BCL2L12: variants seen among roughly 807,000 people sequenced by gnomAD.
BCL2L12 encodes BCL2 like 12, also known as bcl-2-like protein 12.
A neutral mutation model predicts 25.7 loss-of-function variants in BCL2L12; 27 were observed. That is an observed-to-expected ratio of 1.05 (90% confidence interval 0.78 to 1.45). The LOEUF (loss-of-function observed/expected upper bound fraction) is 1.45, where lower values mean the gene tolerates loss of function less well. Among genes scored for constraint, BCL2L12 ranks in the 40% most tolerant of loss-of-function variants. BCL2L12 has a pLI of 0.00. For missense variants in BCL2L12, 302 were observed against 329.8 expected, an observed-to-expected ratio of 0.92 and a Z score of 0.65; for synonymous variants, 132 against 145.6, an observed-to-expected ratio of 0.91 and a Z score of 0.67.
intron 1 of BCL2L12, 80 bp downstream of exon 1, chr19:49,666,147 G>C (rs774338739): frequency 3.3e-5 from 49 of 1,468,072 alleles, no homozygotes; most frequent in Admixed American, 2.5e-4. Context: ...CCCCAGTCCC[G>C]CTTCTCTGAT....
intron 3 of BCL2L12, 84 bp from the exon 4 acceptor site, chr19:49,668,767 C>T: frequency 7.7e-7 from 1 of 1,301,684 alleles, no homozygotes; most frequent in Middle Eastern, 2.7e-4. Context: ...GAATCATTGC[C>T]ACCTGCCAAG....
upstream of BCL2L12, chr19:49,665,743 G>A: frequency 6.6e-7 from 1 of 1,514,808 alleles, no homozygotes. Context: ...CTGAGCTCTA[G>A]AGCGCTGGGG....
intron 1 of BCL2L12, 44 bp downstream of exon 1, chr19:49,666,111 A>AGG (rs1353018367): frequency 3.5e-5 from 53 of 1,514,472 alleles, no homozygotes; most frequent in Non-Finnish European, 4.7e-5. Flanking sequence ...AGGGAAGAGG[A>AGG]GGGGGCCGGG....
chr19:49,671,656 A>C (rs1056788293), intron 6 of BCL2L12, among the ~76,000 whole-genome samples: 1 of 151,962 alleles, frequency 6.6e-6, no homozygotes, highest in African/African-American at 2.4e-5. Context: ...AAATAGTGAG[A>C]GTAGTAGTGC....
chr19:49,668,760 T>A, intron 3 of BCL2L12, 91 bp from the exon 4 acceptor site: 1 of 1,220,802 alleles, frequency 8.2e-7, no homozygotes, highest in Non-Finnish European at 1.2e-6. Flanking sequence ...AAAATGGGAA[T>A]CATTGCCACC....
chr19:49,673,832 A>G lies in BCL2L12; in HGVS notation c.*84A>G. Reference sequence around the variant, plus strand: ...TTTTCCAAGTCTTCCTATTCCACTCAGGGCTGTGGGGTGGTGGTTGCCCTA... The same window carrying G: ...TTTTCCAAGTCTTCCTATTCCACTCGGGGCTGTGGGGTGGTGGTTGCCCTA... On this transcript the variant is annotated 3_prime_UTR_variant, in exon 7 of 7. Coordinates refer to ENST00000246784, the MANE Select transcript of BCL2L12 (RefSeq NM_138639.2). The G allele has an allele frequency of 7.2e-6, 11 of 1,525,170 alleles. No homozygotes were observed. The highest frequency in any genetic ancestry group is 1.0e-5 in the Non-Finnish European group (11 of 1,104,568). 94.5% of individuals were successfully genotyped at this position (1,525,170 alleles called of 1,614,324 possible).
At chr19:49,665,463 TC>T (rs2081652519), upstream of BCL2L12, 1 of 208,786 alleles carries the variant, frequency 4.8e-6, no homozygotes, top group Non-Finnish European at 9.9e-6. Context: ...CCCTACTTTT[TC>T]TAGTTTTTCT....
intron 5 of BCL2L12, among the ~76,000 whole-genome samples, chr19:49,669,630 G>A (rs1485408060): frequency 6.6e-6 from 1 of 152,036 alleles, no homozygotes; most frequent in Non-Finnish European, 1.5e-5. Context: ...TTGTTTAGAG[G>A]GGCATGGCCT....
chr19:49,669,588 G>T (rs923113203), intron 5 of BCL2L12, among the ~76,000 whole-genome samples: 1 of 151,596 alleles, frequency 6.6e-6, no homozygotes, highest in Non-Finnish European at 1.5e-5. Flanking sequence ...GGTTAGGGTA[G>T]TACTGTACCG....
At chr19:49,670,193 A>T in intron 5 of BCL2L12, 23 bp from the exon 6 acceptor site, 2 of 1,595,598 alleles carry the variant, frequency 1.3e-6, no homozygotes, top group Non-Finnish European at 8.5e-7. Flanking sequence ...GCTGACGCGG[A>T]CCCTGCCTCT....
rs1043052890 is a variant in BCL2L12, at chr19:49,672,569, A to T, written c.703-1129A>T. Among the ~76,000 whole-genome samples the T allele has an allele frequency of 6.6e-6, 1 of 152,176 alleles. No homozygotes were observed. The highest frequency in any genetic ancestry group is 2.4e-5 in the African/African-American group (1 of 41,444). ...CGAGGGCAGAAGTAGGGGCACAGGG[A>T]GGAGGTGAGTGGATCTCACCCAAGT... On this transcript the variant is annotated intron_variant, in intron 6 of 6. Coordinates refer to ENST00000246784, the MANE Select transcript of BCL2L12 (RefSeq NM_138639.2). This position sits in a 1 kb window ranked among gnomAD's most constrained non-coding sequence, Gnocchi z 4.1.
Position 49,670,242 on chromosome 19 carries a change from C to T in BCL2L12, c.456C>T (p.Ser152=). The part of the protein sequence containing the change: ...QKLASDPALR[S]KLVRLSSDSF... ...TGGCCTCGGACCCCGCCCTGCGCAG[C>T]AAGCTGGTCCGCCTGTCCTCCGACT... The change falls in exon 6 of 7, where the codon AGC becomes AGT. Residue 152 remains serine (S), a synonymous_variant. Transcript: ENST00000246784. The T allele has an allele frequency of 2.5e-6, 4 of 1,608,716 alleles. No individual in the cohort carries two copies. The highest frequency in any genetic ancestry group is 3.4e-6 in the Non-Finnish European group (4 of 1,179,576).
intron 5 of BCL2L12, among the ~76,000 whole-genome samples, chr19:49,669,323 G>T (rs762169101): frequency 1.3e-5 from 2 of 152,080 alleles, no homozygotes; most frequent in Non-Finnish European, 2.9e-5. Flanking sequence ...ATGACTTGAG[G>T]TCAGGAGTTC....
chr19:49,669,597 C>T (rs929099690), intron 5 of BCL2L12, among the ~76,000 whole-genome samples: 1 of 151,070 alleles, frequency 6.6e-6, no homozygotes, highest in Non-Finnish European at 1.5e-5. Flanking sequence ...AGTACTGTAC[C>T]GTAAATTAGT....
At chr19:49,673,467 C>A (rs538784597) in intron 6 of BCL2L12, among the ~76,000 whole-genome samples, 1 of 152,214 alleles carries the variant, frequency 6.6e-6, no homozygotes, top group Admixed American at 6.5e-5. Context: ...TAATCCCACT[C>A]CAGTGTCCTG....
Position 49,672,860 on chromosome 19 carries a change from G to GTTTAT in BCL2L12, c.703-823_703-819dup, listed in dbSNP as rs896093848. Among the ~76,000 whole-genome samples, 1 of 152,148 alleles carries GTTTAT rather than the reference G, an allele frequency of 6.6e-6. No homozygotes were observed. Among genetic ancestry groups the GTTTAT allele is most frequent in the South Asian group, 2.1e-4 (1 of 4,820 alleles). ...AGTGTTGGGCTCAGCAAAGAAGCTC[G>GTTTAT]TTTATTTTATTTTATTTTAATTTTT... On this transcript the variant is annotated intron_variant, in intron 6 of 6. Transcript: ENST00000246784. This position sits in a 1 kb window ranked among gnomAD's most constrained non-coding sequence, Gnocchi z 4.1.
Position 49,670,385 on chromosome 19 carries a change from T to G in BCL2L12, c.599T>G (p.Met200Arg). Residue 200 changes from methionine (M) to arginine (R), a missense_variant, in exon 6 of 7, where the codon ATG (methionine) becomes AGG (arginine). Met to Arg is a moderately conservative substitution (Grantham distance 91). Transcript: ENST00000246784. Reference sequence around the variant, plus strand: ...CCCCTGGCCCGCCTGGCCCTAGCCATGGAGCTGAGCCGGCGCGTGGCCGGG... The same window carrying G: ...CCCCTGGCCCGCCTGGCCCTAGCCAGGGAGCTGAGCCGGCGCGTGGCCGGG... ...PEPLARLALA[M>R]ELSRRVAGLG... The G allele has an allele frequency of 6.4e-7, 1 of 1,572,318 alleles. No homozygotes were observed. Among genetic ancestry groups the G allele is most frequent in the Non-Finnish European group, 8.6e-7 (1 of 1,161,668 alleles).
rs1245430715 is a variant in BCL2L12, at chr19:49,666,076, G to A, written c.-9+9G>A. The A allele has an allele frequency of 1.5e-5, 23 of 1,541,932 alleles. No homozygotes were observed. Among genetic ancestry groups the A allele is most frequent in the Non-Finnish European group, 1.8e-5 (21 of 1,139,526 alleles). ...GTGGGGCCCCGGACCAGGTCAGCGG[G>A]GTGTTGACGAGGGGTGGGGTGAGGA... On this transcript the variant is annotated intron_variant, in intron 1 of 6. Transcript: ENST00000246784.
chr19:49,665,852 C>T, upstream of BCL2L12: 1 of 1,606,514 alleles, frequency 6.2e-7, no homozygotes, highest in Non-Finnish European at 8.5e-7. Context: ...CTGTTCCCGC[C>T]CCTATGCCCT....
Sources: gnomAD v4.1 joint callset for allele counts (sites outside exome capture counted in the v4.1 genomes callset) on GRCh38, gnomAD v4.1.1 for gene constraint, Gnocchi (gnomAD v3.1) non-coding constraint, MANE v1.5 for transcripts, NCBI Gene and HGNC (gene_info 2026-07-23, HGNC 2026-07-21) for gene names.